ARFGEF3: variants seen among roughly 807,000 people sequenced by gnomAD.
The protein encoded by ARFGEF3 is ARFGEF family member 3, also known as brefeldin A-inhibited guanine nucleotide-exchange protein 3.
Under a neutral mutation model 221.7 loss-of-function variants are expected in ARFGEF3, and 96 were observed. That is an observed-to-expected ratio of 0.43 (90% CI 0.37 to 0.51). The LOEUF (loss-of-function observed/expected upper bound fraction) is 0.51, where lower values mean the gene tolerates loss of function less well. ARFGEF3 is among the 20% of genes least tolerant of loss of function. The pLI, the probability that ARFGEF3 is intolerant of heterozygous loss-of-function variation, is 0.00. For synonymous variants in ARFGEF3, 1,145 were observed against 1,126.8 expected, an observed-to-expected ratio of 1.02 and a Z score of -0.32; for missense variants, 2,410 against 2,789.9, an observed-to-expected ratio of 0.86 and a Z score of 3.07.
chr6:138,267,194 C>G (rs1778912548), intron 12 of ARFGEF3, among the ~76,000 whole-genome samples: 1 of 152,140 alleles, frequency 6.6e-6, no homozygotes, highest in Admixed American at 6.5e-5. Flanking sequence ...ATCCAGGAGG[C>G]AGATGGATCA....
At chr6:138,276,140 C>T (rs890446931) in intron 12 of ARFGEF3, among the ~76,000 whole-genome samples, 2 of 150,972 alleles carry the variant, frequency 1.3e-5, no homozygotes, top group Non-Finnish European at 2.9e-5. Flanking sequence ...GCTGGTATTG[C>T]CTGTGGGGCT....
intron 5 of ARFGEF3, among the ~76,000 whole-genome samples, chr6:138,231,231 G>A (rs183748273): frequency 6.6e-6 from 1 of 152,270 alleles, no homozygotes; most frequent in Non-Finnish European, 1.5e-5. Flanking sequence ...GTATCTGGAA[G>A]CCAAAATAAA....
Position 138,263,531 on chromosome 6 carries a change from T to G in ARFGEF3, c.2048T>G (p.Leu683Arg). 6.2e-7 allele frequency: 1 copy of G among 1,613,368 alleles called. No homozygotes were observed. Among genetic ancestry groups the G allele is most frequent in the Non-Finnish European group, 8.5e-7 (1 of 1,179,846 alleles). ...CTGTTCATACAGTCCCTGGAAGGCC[T>G]CCTCCCTCGGCTCCTGTCTCTCTCC... ...ARLFIQSLEG[L>R]LPRLLSLSNV... is the part of the protein sequence containing the mutation. Residue 683 changes from leucine (L) to arginine (R), a missense_variant, in exon 12 of 34, where the codon CTC becomes CGC. By Grantham distance (102) the Leu-to-Arg change is moderately radical. This residue lies in a region of ARFGEF3 where 594 missense variants were observed against 734.3 expected (regional missense o/e 0.81). Coordinates refer to ENST00000251691, the MANE Select transcript of ARFGEF3 (RefSeq NM_020340.5).
intron 2 of ARFGEF3, among the ~76,000 whole-genome samples, chr6:138,173,881 C>G (rs1224961292): frequency 1.3e-5 from 2 of 152,122 alleles, no homozygotes; most frequent in Non-Finnish European, 2.9e-5. Flanking sequence ...AAATTCAACT[C>G]AGAGTATTTC....
chr6:138,336,575 C>T lies in ARFGEF3; in HGVS notation c.*89C>T. On this transcript the variant is annotated 3_prime_UTR_variant, in exon 34 of 34. Transcript: ENST00000251691. ...CTGTTGCATTTTCCCCACCACTAGC[C>T]CCACTTAAACTACTACTACTGTCTC... The T allele has an allele frequency of 9.7e-7, 1 of 1,034,702 alleles. No homozygotes were observed. Among genetic ancestry groups the T allele is most frequent in the Admixed American group, 2.6e-5 (1 of 38,162 alleles). The allele number at this position is 1,034,702 out of a possible 1,614,324, so 64.1% of individuals were successfully genotyped here. A position where few individuals can be genotyped will look rare whatever the true frequency, so the allele number is the denominator to read the frequency against.
At chr6:138,205,399 A>G (rs1202832442) in intron 2 of ARFGEF3, among the ~76,000 whole-genome samples, 2 of 152,112 alleles carry the variant, frequency 1.3e-5, no homozygotes, top group African/African-American at 4.8e-5. Flanking sequence ...CCTGGTGGAA[A>G]TTTGATTGTT....
chr6:138,331,551 C>T (rs1780227692), intron 32 of ARFGEF3, among the ~76,000 whole-genome samples: 1 of 152,240 alleles, frequency 6.6e-6, no homozygotes, highest in Non-Finnish European at 1.5e-5. Context: ...ATAGCCTTGA[C>T]ATTGATAGCC....
chr6:138,258,913 C>A (rs1410228230), intron 10 of ARFGEF3, among the ~76,000 whole-genome samples: 1 of 152,194 alleles, frequency 6.6e-6, no homozygotes, highest in Non-Finnish European at 1.5e-5. Flanking sequence ...ATATGGCATC[C>A]ATAGGTCTCT....
rs767802448 is a variant in ARFGEF3, at chr6:138,242,985, G to A, written c.577G>A (p.Gly193Arg). The stretch of plus-strand genomic sequence containing the variant: ...AAACCCAGATGTCCCACAGGATTTC[G>A]GGAATCAAGGTATGGCATTTGATTT... ...IENPDVPQDF[G>R]NQGSTVESLC... The change falls in exon 7 of 34, where the codon GGG (glycine) becomes AGG (arginine). Residue 193 changes from glycine to arginine, a missense_variant. By Grantham distance (125) the Gly-to-Arg change is moderately radical. Coordinates refer to ENST00000251691, the MANE Select transcript of ARFGEF3 (RefSeq NM_020340.5). 4.3e-6 allele frequency: 7 copies of A among 1,611,922 alleles called. No individual in the cohort carries two copies. The highest frequency in any genetic ancestry group is 5.9e-6 in the Non-Finnish European group (7 of 1,178,628).
In ARFGEF3 at chr6:138,294,100, C is replaced by T; in HGVS notation, c.3476C>T (p.Thr1159Ile). The change falls in exon 20 of 34, where the codon ACA (threonine) becomes ATA (isoleucine). Residue 1159 changes from threonine to isoleucine, a missense_variant. Coordinates refer to ENST00000251691, the MANE Select transcript of ARFGEF3 (RefSeq NM_020340.5). ...QSQLFHSVTD[T>I]VDYSLAMPGE... is the part of the protein sequence containing the mutation. Reference sequence around the variant, plus strand: ...CAGCTTTTCCATTCTGTTACAGATACAGTTGATTACTCTCTGGCAATGCCA... The same window carrying T: ...CAGCTTTTCCATTCTGTTACAGATATAGTTGATTACTCTCTGGCAATGCCA... 1 of 1,613,850 alleles carries T rather than the reference C, an allele frequency of 6.2e-7. No homozygotes were observed. The highest frequency in any genetic ancestry group is 8.5e-7 in the Non-Finnish European group (1 of 1,179,860).
chr6:138,176,255 C>T (rs1351190400), intron 2 of ARFGEF3, among the ~76,000 whole-genome samples: 1 of 149,632 alleles, frequency 6.7e-6, no homozygotes, highest in East Asian at 2.0e-4. Flanking sequence ...AATCTCAGCT[C>T]ACTGCAACCT....
intron 31 of ARFGEF3, among the ~76,000 whole-genome samples, chr6:138,326,005 C>T (rs1780120780): frequency 6.6e-6 from 1 of 152,040 alleles, no homozygotes; most frequent in Non-Finnish European, 1.5e-5. Context: ...TACAGGTGTG[C>T]ACCACCACAC....
intron 20 of ARFGEF3, 29 bp from the exon 21 acceptor site, chr6:138,296,781 C>T (rs1241570880): frequency 1.9e-6 from 3 of 1,607,882 alleles, no homozygotes; most frequent in Admixed American, 1.7e-5. Context: ...TTTTGGCTTT[C>T]TGGCATTTAT....
At chr6:138,280,537 T>C (rs1429471485) in intron 14 of ARFGEF3, among the ~76,000 whole-genome samples, 1 of 152,236 alleles carries the variant, frequency 6.6e-6, no homozygotes, top group Non-Finnish European at 1.5e-5. Context: ...TACCAATAAA[T>C]GTAAAATGAC....
intron 1 of ARFGEF3, among the ~76,000 whole-genome samples, chr6:138,163,518 A>G (rs891643377): frequency 6.6e-6 from 1 of 152,228 alleles, no homozygotes; most frequent in African/African-American, 2.4e-5. Context: ...AGCAGGGCCC[A>G]ATTGTGCTTT....
intron 20 of ARFGEF3, among the ~76,000 whole-genome samples, chr6:138,294,896 C>T (rs1019225644): frequency 6.6e-6 from 1 of 152,200 alleles, no homozygotes; most frequent in Non-Finnish European, 1.5e-5. Context: ...TCTGAGGTCC[C>T]TTCTATCCTT....
In ARFGEF3 at chr6:138,311,462, C is replaced by G. The variant is rs1231095468; in HGVS notation, c.4152C>G (p.Ser1384=). The G allele has an allele frequency of 1.9e-6, 3 of 1,608,448 alleles. No individual in the cohort carries two copies. In the Admixed American group the frequency reaches 5.0e-5, roughly 27 times the overall value. ...GDCAPAPGAP[S]TDLCLPALDY... is the part of the protein sequence containing the mutation. ...GTGCCCCAGCACCCGGAGCCCCGTC[C>G]ACAGACCTGTGCCTCCCGGCCCTGG... The change falls in exon 25 of 34, where the codon TCC becomes TCG. Residue 1384 remains serine, a synonymous_variant. Transcript: ENST00000251691.
intron 5 of ARFGEF3, among the ~76,000 whole-genome samples, chr6:138,233,267 C>T (rs1778225437): frequency 6.6e-6 from 1 of 152,052 alleles, no homozygotes; most frequent in South Asian, 2.1e-4. Context: ...CTTGAAAAAA[C>T]ATTGACGCTC....
intron 8 of ARFGEF3, among the ~76,000 whole-genome samples, chr6:138,250,976 G>A (rs902464405): frequency 4.6e-5 from 7 of 152,222 alleles, no homozygotes; most frequent in Admixed American, 1.3e-4. Flanking sequence ...GTACGTGCGT[G>A]TGTGTATCTA....
Sources: gnomAD v4.1 joint callset for allele counts (sites outside exome capture counted in the v4.1 genomes callset) on GRCh38, gnomAD v4.1.1 for gene constraint, gnomAD v4.1.1 regional missense constraint, MANE v1.5 for transcripts, NCBI Gene and HGNC (gene_info 2026-07-23, HGNC 2026-07-21) for gene names.